Variants in CPOX observed in about 807,000 individuals in gnomAD.
CPOX encodes oxygen-dependent coproporphyrinogen-III oxidase, mitochondrial.
CPOX carries 24 observed loss-of-function variants against 48.9 expected under a neutral mutation model. That is an observed-to-expected ratio of 0.49 (90% CI 0.36 to 0.69). The LOEUF (loss-of-function observed/expected upper bound fraction) is 0.69. CPOX is among the 30% of genes least tolerant of loss of function. The pLI is 0.00. For synonymous variants in CPOX, 249 were observed against 234.6 expected, an observed-to-expected ratio of 1.06 and a Z score of -0.56; for missense variants, 549 against 597.3, an observed-to-expected ratio of 0.92 and a Z score of 0.84.
intron 5 of CPOX, among the ~76,000 whole-genome samples, chr3:98,583,558 C>T (rs575314514): frequency 1.2e-4 from 18 of 152,176 alleles, no homozygotes; most frequent in East Asian, 1.9e-4. Flanking sequence ...CAGAATACAA[C>T]GAACAAGTAA....
At chr3:98,584,158 G>A (rs999311156) in intron 5 of CPOX, among the ~76,000 whole-genome samples, 3 of 152,186 alleles carry the variant, frequency 2.0e-5, no homozygotes, top group African/African-American at 7.2e-5. Context: ...GCCAAGTTTT[G>A]CCTTCGAAAT....
At chr3:98,574,353 C>A in the CPOX span, among the ~76,000 whole-genome samples, 34 of 152,174 alleles carry the variant, frequency 2.2e-4, no homozygotes, top group Middle Eastern at 3.2e-3. Context: ...GGCACGTCAG[C>A]TGAAGACTGC....
At chr3:98,574,617 C>G (rs998720944), downstream of CPOX, among the ~76,000 whole-genome samples, 1 of 152,242 alleles carries the variant, frequency 6.6e-6, no homozygotes, top group East Asian at 1.9e-4. Context: ...AGTTTCGCGC[C>G]GTCGCGCAGG....
chr3:98,582,976 T>C (rs1707289833), intron 5 of CPOX, among the ~76,000 whole-genome samples: 1 of 152,250 alleles, frequency 6.6e-6, no homozygotes, highest in South Asian at 2.1e-4. Flanking sequence ...GTGAATCTTC[T>C]GAATCCTTTT....
downstream of CPOX, chr3:98,578,247 T>C: frequency 1.0e-6 from 1 of 973,362 alleles, no homozygotes; most frequent in Non-Finnish European, 1.2e-6. Flanking sequence ...TAATCCATAG[T>C]AGAAATACGT....
At position 98,580,357 on chromosome 3, in the gene CPOX, G is replaced by A; in HGVS notation, c.*326C>T. Reference sequence around the variant, plus strand: ...TAAAAAATACATGAAACAAAAACAAGATGAGAGATTTCCTGATACATATAA... The same window carrying A: ...TAAAAAATACATGAAACAAAAACAAAATGAGAGATTTCCTGATACATATAA... On this transcript the variant is annotated 3_prime_UTR_variant, in exon 7 of 7. Coordinates refer to ENST00000647941, the MANE Select transcript of CPOX (RefSeq NM_000097.7). 9.8e-7 allele frequency: 1 copy of A among 1,015,700 alleles called. No homozygotes were observed. Among genetic ancestry groups the A allele is most frequent in the Non-Finnish European group, 1.2e-6 (1 of 847,870 alleles). 62.9% of individuals were successfully genotyped at this position (1,015,700 alleles called of 1,614,324 possible).
At chr3:98,578,856 T>C (rs1045470222), downstream of CPOX, among the ~76,000 whole-genome samples, 3 of 152,254 alleles carry the variant, frequency 2.0e-5, no homozygotes, top group African/African-American at 7.2e-5. Flanking sequence ...TTGGGTTGTT[T>C]CTAATTTTCA....
intron 3 of CPOX, chr3:98,589,703 T>TTG (rs1361477873): frequency 6.6e-6 from 1 of 152,236 alleles, no homozygotes; most frequent in Admixed American, 6.5e-5. Context: ...GGTCCATGAG[T>TTG]TGTCAATACC....
the CPOX span, among the ~76,000 whole-genome samples, chr3:98,571,411 G>A: frequency 6.6e-6 from 1 of 152,038 alleles, no homozygotes; most frequent in Non-Finnish European, 1.5e-5. Flanking sequence ...CGCTGTGGCC[G>A]GGCGCGGTGG....
In CPOX at chr3:98,580,752, T is replaced by A. The variant is rs775127197; in HGVS notation, c.1296A>T (p.Ser432=). 1.1e-5 allele frequency: 18 copies of A among 1,613,836 alleles called. No individual in the cohort carries two copies. Among genetic ancestry groups the A allele is most frequent in the Non-Finnish European group, 1.4e-5 (17 of 1,179,998 alleles). The change falls in exon 7 of 7, where the codon TCA becomes TCT. Residue 432 remains serine (S), a synonymous_variant. Coordinates refer to ENST00000647941, the MANE Select transcript of CPOX (RefSeq NM_000097.7). ...CAGCTTCTTTGGAATTCTCTGAGGG[T>A]GAATGCATGTACTCCCATCTATGCA... ...PLTARWEYMH[S]PSENSKEAEI...
chr3:98,588,640 G>A, intron 4 of CPOX, 73 bp downstream of exon 4: 1 of 1,497,374 alleles, frequency 6.7e-7, no homozygotes, highest in South Asian at 1.1e-5. Context: ...AGGGTATTTA[G>A]TGACATAATA....
Position 98,585,566 on chromosome 3 carries a change from C to T in CPOX, c.1047G>A (p.Glu349=). The T allele has an allele frequency of 3.1e-6, 5 of 1,614,122 alleles. No homozygotes were observed. Among genetic ancestry groups the T allele is most frequent in the South Asian group, 1.1e-5 (1 of 91,074 alleles). ...CACAGCTCTGTACAAAGCGAAACAC[C>T]TCCTCCTTGGACGGAGAGTCAAGAT... The part of the protein sequence containing the change: ...FDDLDSPSKE[E]VFRFVQSCAR... The change falls in exon 5 of 7, where the codon GAG becomes GAA. Residue 349 remains glutamate, a synonymous_variant. Coordinates refer to ENST00000647941, the MANE Select transcript of CPOX (RefSeq NM_000097.7).
chr3:98,593,087 C>G lies in CPOX; in HGVS notation c.418G>C (p.Glu140Gln), dbSNP rs1047353718. The G allele has an allele frequency of 7.4e-6, 12 of 1,613,940 alleles. No homozygotes were observed. Among genetic ancestry groups the G allele is most frequent in the Non-Finnish European group, 8.5e-6 (10 of 1,179,982 alleles). ...ATGTCGCCCGGCCTCCTTCGCAGCT[C>G]GCCCAGGTCGGTCACAGGCGGGGCC... ...FMAPPVTDLG[E>Q]LRRRPGDMKT... The change falls in exon 1 of 7, where the codon GAG becomes CAG. Residue 140 changes from glutamate to glutamine, a missense_variant. Physicochemically the swap from Glu to Gln is conservative, Grantham distance 29. Around this residue, in one of 2 missense-constraint regions of CPOX, gnomAD observed 336 missense variants for 318.1 expected, o/e 1.06. Transcript: ENST00000647941.
chr3:98,576,199 G>A (rs1320013853), downstream of CPOX, among the ~76,000 whole-genome samples: 1 of 151,274 alleles, frequency 6.6e-6, no homozygotes, highest in African/African-American at 2.4e-5. Context: ...AGGTTTAATT[G>A]ACTCATAGTT....
intron 5 of CPOX, among the ~76,000 whole-genome samples, chr3:98,582,587 G>A (rs866513519): frequency 1.3e-5 from 2 of 151,728 alleles, no homozygotes; most frequent in Middle Eastern, 3.2e-3. Context: ...CCGCCTCCGG[G>A]GTTCACCCAT....
downstream of CPOX, among the ~76,000 whole-genome samples, chr3:98,577,586 T>G (rs776804076): frequency 6.6e-6 from 1 of 152,168 alleles, no homozygotes; most frequent in Non-Finnish European, 1.5e-5. Context: ...TGAAGATGAC[T>G]GGGATCTAAT....
At chr3:98,583,662 GA>G (rs1707301984) in intron 5 of CPOX, among the ~76,000 whole-genome samples, 1 of 152,218 alleles carries the variant, frequency 6.6e-6, no homozygotes, top group Admixed American at 6.5e-5. Context: ...CTGTGGGCAA[GA>G]AACTGGATGA....
At chr3:98,584,075 A>C (rs2107118022) in intron 5 of CPOX, among the ~76,000 whole-genome samples, 1 of 152,298 alleles carries the variant, frequency 6.6e-6, no homozygotes, top group South Asian at 2.1e-4. Flanking sequence ...AAACAAAACA[A>C]AACCGCAAAA....
chr3:98,577,467 A>AC (rs759903354), downstream of CPOX, among the ~76,000 whole-genome samples: 6 of 152,228 alleles, frequency 3.9e-5, no homozygotes, highest in South Asian at 2.1e-4. Context: ...GAGGAAGGAA[A>AC]CCAGGAGCCA....
Sources: allele counts gnomAD v4.1 joint callset (sites outside exome capture counted in the v4.1 genomes callset), GRCh38; gene constraint gnomAD v4.1.1; regional missense constraint gnomAD v4.1.1; transcripts MANE v1.5; gene names NCBI Gene and HGNC (gene_info 2026-07-23, HGNC 2026-07-21).